SCIN: variants seen among roughly 807,000 people sequenced by gnomAD.
SCIN encodes adseverin.
SCIN carries 91 observed loss-of-function variants against 91.8 expected under a neutral mutation model. The observed-to-expected ratio is 0.99, with a 90% CI of 0.84 to 1.18. The LOEUF is 1.18. SCIN is among the 50% of genes most tolerant of loss of function. The pLI is 0.00. For missense variants in SCIN, 1,087 were observed against 863.9 expected, an observed-to-expected ratio of 1.26 and a Z score of -3.24; for synonymous variants, 367 against 312.6, an observed-to-expected ratio of 1.17 and a Z score of -1.84.
rs916624852 is a variant in SCIN, at chr7:12,656,587, T to C, written c.*3872T>C. 1 of 152,140 alleles carries C rather than the reference T, an allele frequency of 6.6e-6. No homozygotes were observed. The highest frequency in any genetic ancestry group is 2.4e-5 in the African/African-American group (1 of 41,414). 9.4% of individuals were successfully genotyped at this position (152,140 alleles called of 1,614,324 possible). Reference sequence around the variant, plus strand: ...CGGACAACTCAGAGAAAAAACTGGCTTATAAATGCACTTCACAAAAACTGT... The same window carrying C: ...CGGACAACTCAGAGAAAAAACTGGCCTATAAATGCACTTCACAAAAACTGT... On this transcript the variant is annotated 3_prime_UTR_variant, in exon 16 of 16. Coordinates refer to ENST00000297029, the MANE Select transcript of SCIN (RefSeq NM_001112706.3).
At chr7:12,575,175 A>G (rs1782343974) in intron 1 of SCIN, among the ~76,000 whole-genome samples, 1 of 149,942 alleles carries the variant, frequency 6.7e-6, no homozygotes, top group South Asian at 2.1e-4. Context: ...GATTTTTTGT[A>G]TTACTGATGA....
intron 3 of SCIN, among the ~76,000 whole-genome samples, chr7:12,600,653 C>G (rs1178766121): frequency 6.6e-6 from 1 of 152,126 alleles, no homozygotes; most frequent in Non-Finnish European, 1.5e-5. Context: ...CTGAGTTGCA[C>G]TGGATAATTA....
chr7:12,637,359 C>A (rs1783772480), intron 10 of SCIN, among the ~76,000 whole-genome samples: 1 of 152,110 alleles, frequency 6.6e-6, no homozygotes, highest in East Asian at 1.9e-4. Context: ...TAGCATGGGT[C>A]CTTATATTTC....
chr7:12,574,622 C>G (rs1782332923), intron 1 of SCIN, among the ~76,000 whole-genome samples: 1 of 152,114 alleles, frequency 6.6e-6, no homozygotes, highest in Non-Finnish European at 1.5e-5. Context: ...CTATACTGTA[C>G]TATACATTAA....
intron 3 of SCIN, among the ~76,000 whole-genome samples, chr7:12,591,660 C>T (rs368006009): frequency 6.6e-6 from 1 of 152,010 alleles, no homozygotes; most frequent in South Asian, 2.1e-4. Flanking sequence ...TTGGGAGGGC[C>T]TTTGGCCACT....
chr7:12,613,930 G>A (rs930013087), intron 4 of SCIN, among the ~76,000 whole-genome samples: 2 of 152,054 alleles, frequency 1.3e-5, no homozygotes, highest in African/African-American at 2.4e-5. Context: ...ATATCTGTAT[G>A]TAAACAAAAA....
chr7:12,581,177 G>C lies in SCIN; in HGVS notation c.472G>C (p.Asp158His). 2 of 1,551,494 alleles carry C rather than the reference G, an allele frequency of 1.3e-6. No homozygotes were observed. The highest frequency in any genetic ancestry group is 1.7e-6 in the Non-Finnish European group (2 of 1,146,838). ...AGCCACAGAAGTTCCCCTTAGCTGG[G>C]ACAGTTTCAACAAGGGTGACTGCTT... ...VRATEVPLSW[D>H]SFNKGDCFII... Residue 158 changes from aspartate to histidine, a missense_variant, in exon 3 of 16, where the codon GAC becomes CAC. Coordinates refer to ENST00000297029, the MANE Select transcript of SCIN (RefSeq NM_001112706.3).
chr7:12,602,173 G>T (rs888724623), intron 3 of SCIN, among the ~76,000 whole-genome samples: 25 of 152,198 alleles, frequency 1.6e-4, no homozygotes, highest in Admixed American at 1.6e-3. Context: ...GCCTCCAGGG[G>T]TGACATCACA....
intron 1 of SCIN, among the ~76,000 whole-genome samples, chr7:12,572,651 G>T (rs865909103): frequency 6.6e-6 from 1 of 152,136 alleles, no homozygotes; most frequent in Non-Finnish European, 1.5e-5. Context: ...ACTATATTTT[G>T]TAGGGTTTAC....
At chr7:12,614,194 A>G (rs1321547634) in intron 4 of SCIN, among the ~76,000 whole-genome samples, 2 of 152,220 alleles carry the variant, frequency 1.3e-5, no homozygotes, top group African/African-American at 2.4e-5. Context: ...CTTGTGTTCT[A>G]CAAGGGTAAA....
intron 4 of SCIN, among the ~76,000 whole-genome samples, chr7:12,615,630 A>G (rs939204574): frequency 3.9e-5 from 6 of 152,026 alleles, no homozygotes; most frequent in Non-Finnish European, 8.8e-5. Context: ...TTTGTTTTTT[A>G]TCTCTTACCA....
chr7:12,581,197 C>T lies in SCIN; in HGVS notation c.492C>T (p.Asp164=). 6.4e-7 allele frequency: 1 copy of T among 1,551,454 alleles called. No individual in the cohort carries two copies. The highest frequency in any genetic ancestry group is 8.7e-7 in the Non-Finnish European group (1 of 1,146,768). ...GCTGGGACAGTTTCAACAAGGGTGA[C>T]TGCTTCATCATTGACCTTGGCACCG... ...PLSWDSFNKG[D]CFIIDLGTEI... is the part of the protein sequence containing the mutation. Residue 164 remains aspartate, a synonymous_variant, in exon 3 of 16, where the codon GAC becomes GAT. Transcript: ENST00000297029.
intron 9 of SCIN, among the ~76,000 whole-genome samples, chr7:12,635,108 T>G (rs1783721359): frequency 6.6e-6 from 1 of 151,788 alleles, no homozygotes; most frequent in South Asian, 2.1e-4. Flanking sequence ...AGGTGGAGTT[T>G]GCAGTGAGCC....
chr7:12,649,641 C>T, intron 14 of SCIN, 97 bp downstream of exon 14: 1 of 727,786 alleles, frequency 1.4e-6, no homozygotes, highest in Non-Finnish European at 2.3e-6. Context: ...ATAAATGAGC[C>T]TAGAGATTTA....
rs1784190039 is a variant in SCIN, at chr7:12,657,566, A to ATTTTTTTTT, written c.*4852_*4853insTTTTTTTTT. The ATTTTTTTTT allele has an allele frequency of 4.2e-5, 1 of 23,586 alleles. No individual in the cohort carries two copies. 1.5% of individuals were successfully genotyped at this position (23,586 alleles called of 1,614,324 possible). On this transcript the variant is annotated 3_prime_UTR_variant, in exon 16 of 16. Coordinates refer to ENST00000297029, the MANE Select transcript of SCIN (RefSeq NM_001112706.3). ...TATATATATATATATATATATATAT[A>ATTTTTTTTT]TATATATTTTTTTTTTTTTTTTTTT...
At position 12,651,843 on chromosome 7, in the gene SCIN, A is replaced by G; in HGVS notation, c.1962A>G (p.Ile654Met). Residue 654 changes from isoleucine to methionine, a missense_variant and splice_region_variant, in exon 15 of 16, where the codon ATA (isoleucine) becomes ATG (methionine). Physicochemically the swap from Ile to Met is conservative, Grantham distance 10 (BLOSUM62 1). Transcript: ENST00000297029. This position sits in a 1 kb window ranked among gnomAD's most constrained non-coding sequence, Gnocchi z 5.9. ...ATTGTTATTGTTTCATTTTTCAGAT[A>G]TTTATTTGGATTGGCAAAGATGCTA... Reference protein sequence around the residue: ...DVMLLDAWEQIFIWIGKDANE... With the variant: ...DVMLLDAWEQMFIWIGKDANE... 6.3e-7 allele frequency: 1 copy of G among 1,578,862 alleles called. No individual in the cohort carries two copies. Among genetic ancestry groups the G allele is most frequent in the Non-Finnish European group, 8.7e-7 (1 of 1,154,986 alleles).
At chr7:12,612,365 T>C (rs549384822) in intron 4 of SCIN, among the ~76,000 whole-genome samples, 69 of 152,294 alleles carry the variant, frequency 4.5e-4, no homozygotes, top group African/African-American at 1.5e-3. Context: ...GGAGCAAATA[T>C]ATTCGCAACC....
intron 4 of SCIN, among the ~76,000 whole-genome samples, chr7:12,620,402 A>G (rs1783383244): frequency 6.6e-6 from 1 of 152,120 alleles, no homozygotes. Context: ...CTCTATTTCT[A>G]TGAATTGGAT....
Position 12,649,521 on chromosome 7 carries a change from A to G in SCIN, c.1936A>G (p.Met646Val), listed in dbSNP as rs989167281. ...GGATGATTTAGCTGAAGATGATGTC[A>G]TGTTACTAGATGCTTGGGAACAGGT... ...TQDDLAEDDV[M>V]LLDAWEQIFI... Residue 646 changes from methionine (M) to valine (V), a missense_variant, in exon 14 of 16, where the codon ATG (methionine) becomes GTG (valine). Coordinates refer to ENST00000297029, the MANE Select transcript of SCIN (RefSeq NM_001112706.3). 2 of 1,601,112 alleles carry G rather than the reference A, an allele frequency of 1.2e-6. No individual in the cohort carries two copies. The highest frequency in any genetic ancestry group is 1.3e-5 in the African/African-American group (1 of 74,774).
Sources: allele counts gnomAD v4.1 joint callset (sites outside exome capture counted in the v4.1 genomes callset), GRCh38; gene constraint gnomAD v4.1.1; non-coding constraint Gnocchi (gnomAD v3.1); transcripts MANE v1.5; gene names NCBI Gene and HGNC (gene_info 2026-07-23, HGNC 2026-07-21).